Variants in CACNA1E observed in about 807,000 individuals in gnomAD.
CACNA1E encodes the protein voltage-dependent R-type calcium channel subunit alpha-1E.
CACNA1E carries 40 observed loss-of-function variants against 259.2 expected under a neutral mutation model. The ratio of observed to expected loss-of-function variants is 0.15; its 90% CI spans 0.12 to 0.20. The LOEUF (loss-of-function observed/expected upper bound fraction) is 0.20, where lower values mean the gene tolerates loss of function less well. CACNA1E is among the 10% of genes least tolerant of loss of function. The pLI is 1.00. For synonymous variants in CACNA1E, 1,104 were observed against 1,138.5 expected (o/e 0.97, Z 0.61); for missense variants, 1,874 against 3,040.1 (o/e 0.62, Z 9.02).
At chr1:181,688,836 G>T (rs898971843) in intron 7 of CACNA1E, among the ~76,000 whole-genome samples, 15 of 152,234 alleles carry the variant, frequency 9.9e-5, no homozygotes, top group Admixed American at 8.5e-4. Context: ...AGCAGGTGCT[G>T]CTGGTCTACT....
intron 34 of CACNA1E, among the ~76,000 whole-genome samples, chr1:181,765,334 A>T (rs1360377303): frequency 1.3e-5 from 2 of 152,128 alleles, no homozygotes. Context: ...TAGAGTGGAG[A>T]CAGTAGAATA....
chr1:181,758,895 T>G lies in CACNA1E; in HGVS notation c.4605+27T>G. 1 of 1,245,086 alleles carries G rather than the reference T, an allele frequency of 8.0e-7. No individual in the cohort carries two copies. The highest frequency in any genetic ancestry group is 1.2e-6 in the Non-Finnish European group (1 of 848,982). The allele number at this position is 1,245,086 out of a possible 1,614,324, so 77.1% of individuals were successfully genotyped here. A position where few individuals can be genotyped will look rare whatever the true frequency, so the allele number is the denominator to read the frequency against. On this transcript the variant is annotated intron_variant, in intron 32 of 47. Coordinates refer to ENST00000367573, the MANE Select transcript of CACNA1E (RefSeq NM_001205293.3). The surrounding 1 kb of genome is among the most constrained non-coding windows in gnomAD (Gnocchi z 4.2). Reference sequence around the variant, plus strand: ...TATGTTGCTGAATCCTTCCCAGCACTGGGCTTGTCTCTTTCTGTTGGGTGC... The same window carrying G: ...TATGTTGCTGAATCCTTCCCAGCACGGGGCTTGTCTCTTTCTGTTGGGTGC...
chr1:181,533,850 T>C (rs1213301568), intron 3 of CACNA1E, among the ~76,000 whole-genome samples: 1 of 152,122 alleles, frequency 6.6e-6, no homozygotes, highest in Non-Finnish European at 1.5e-5. Flanking sequence ...AATTTTTTTA[T>C]TTCTAATAGA....
chr1:181,526,834 C>T (rs980048867), intron 3 of CACNA1E, among the ~76,000 whole-genome samples: 2 of 152,164 alleles, frequency 1.3e-5, no homozygotes, highest in Non-Finnish European at 2.9e-5. Flanking sequence ...TTTTATGAGA[C>T]TAAACTGGTA....
chr1:181,783,901 G>A (rs1265471377), intron 40 of CACNA1E, 117 bp downstream of exon 40: 9 of 637,754 alleles, frequency 1.4e-5, no homozygotes. Flanking sequence ...CAATAATGCA[G>A]TCATCTGAAC....
At chr1:181,546,261 G>A (rs1179603233) in intron 3 of CACNA1E, among the ~76,000 whole-genome samples, 1 of 152,138 alleles carries the variant, frequency 6.6e-6, no homozygotes, top group Admixed American at 6.5e-5. Context: ...AAAGTTAGGA[G>A]CCCTGGGCTC....
chr1:181,758,733 C>G lies in CACNA1E; in HGVS notation c.4495-25C>G, dbSNP rs764570443. The G allele has an allele frequency of 6.1e-6, 8 of 1,315,528 alleles. No homozygotes were observed. The highest frequency in any genetic ancestry group is 7.7e-6 in the Non-Finnish European group (7 of 914,232). The allele number at this position is 1,315,528 out of a possible 1,614,324, so 81.5% of individuals were successfully genotyped here. ...TCTTACCTTAAGGCTGTGATTCTTT[C>G]TCTCTTCTTTTTTCTTCCTGGCAGT... On this transcript the variant is annotated intron_variant, in intron 31 of 47. Coordinates refer to ENST00000367573, the MANE Select transcript of CACNA1E (RefSeq NM_001205293.3). The surrounding 1 kb of genome is among the most constrained non-coding windows in gnomAD (Gnocchi z 4.2).
intron 1 of CACNA1E, among the ~76,000 whole-genome samples, chr1:181,334,575 A>G (rs1260357560): frequency 6.6e-6 from 1 of 152,206 alleles, no homozygotes; most frequent in Non-Finnish European, 1.5e-5. Context: ...AGCTCTGGCC[A>G]AAAAATCTCA....
At position 181,800,882 on chromosome 1, in the gene CACNA1E, C is replaced by T. The variant is rs568273414; in HGVS notation, c.*2048C>T. 1.3e-5 allele frequency: 2 copies of T among 152,812 alleles called. No homozygotes were observed. Among genetic ancestry groups the T allele is most frequent in the East Asian group, 1.9e-4 (1 of 5,188 alleles). The allele number at this position is 152,812 out of a possible 1,614,324, so 9.5% of individuals were successfully genotyped here. ...AGCCCCCAAACCAAAGTTGTCCCAA[C>T]AGAGGAGGCCAGTGAGGCAGAGACA... On this transcript the variant is annotated 3_prime_UTR_variant, in exon 48 of 48. Transcript: ENST00000367573.
intron 7 of CACNA1E, among the ~76,000 whole-genome samples, chr1:181,677,099 G>A (rs150359084): frequency 6.6e-6 from 1 of 152,016 alleles, no homozygotes; most frequent in East Asian, 1.9e-4. Context: ...TGTAGCTTCT[G>A]GGACAGTGCC....
chr1:181,573,522 G>A (rs1257179564), intron 3 of CACNA1E, among the ~76,000 whole-genome samples: 1 of 152,136 alleles, frequency 6.6e-6, no homozygotes, highest in Non-Finnish European at 1.5e-5. Context: ...CTCTCTTACT[G>A]AGAACTGGGA....
At chr1:181,495,525 T>C (rs1254959427) in intron 1 of CACNA1E, among the ~76,000 whole-genome samples, 2 of 152,242 alleles carry the variant, frequency 1.3e-5, no homozygotes, top group Non-Finnish European at 2.9e-5. Context: ...TGGTTATTAG[T>C]ATATGGTTAA....
Position 181,485,218 on chromosome 1 carries a change from C to T in CACNA1E, c.266+1208C>T, listed in dbSNP as rs1571985592. ...CCCCTATTCTCCCTCTTTCCCACCC[C>T]CACCGTCCAGGTGTGCAGCAGTGAG... On this transcript the variant is annotated intron_variant, in intron 1 of 47. Transcript: ENST00000367573. The surrounding 1 kb of genome is among the most constrained non-coding windows in gnomAD (Gnocchi z 4.2). Among the ~76,000 whole-genome samples, 3 of 152,300 alleles carry T rather than the reference C, an allele frequency of 2.0e-5. No individual in the cohort carries two copies. The highest frequency in any genetic ancestry group is 2.0e-4 in the Admixed American group (3 of 15,304).
chr1:181,487,086 G>T (rs567653865), intron 1 of CACNA1E, among the ~76,000 whole-genome samples: 2 of 151,334 alleles, frequency 1.3e-5, no homozygotes, highest in African/African-American at 4.9e-5. Flanking sequence ...GTCAAGACCT[G>T]CTTTCATATT....
At chr1:181,770,506 C>G (rs1389210594) in intron 35 of CACNA1E, among the ~76,000 whole-genome samples, 1 of 152,198 alleles carries the variant, frequency 6.6e-6, no homozygotes, top group African/African-American at 2.4e-5. Context: ...AAATCTCATT[C>G]TGTCACCCAG....
At chr1:181,636,676 T>C (rs1657244508) in intron 6 of CACNA1E, among the ~76,000 whole-genome samples, 1 of 152,142 alleles carries the variant, frequency 6.6e-6, no homozygotes, top group African/African-American at 2.4e-5. Context: ...AAGGCCCTGA[T>C]GGATGGCCAG....
Position 181,755,234 on chromosome 1 carries a change from C to T in CACNA1E, c.3829-3C>T. 1 of 1,613,124 alleles carries T rather than the reference C, an allele frequency of 6.2e-7. No individual in the cohort carries two copies. The highest frequency in any genetic ancestry group is 8.5e-7 in the Non-Finnish European group (1 of 1,179,390). Reference sequence around the variant, plus strand: ...ACAGCAGGGCTGTTTGCTCTGTCCACAGGCCGTCTTCGACTGCGTAGTGAC... The same window carrying T: ...ACAGCAGGGCTGTTTGCTCTGTCCATAGGCCGTCTTCGACTGCGTAGTGAC... On this transcript the variant is annotated splice_polypyrimidine_tract_variant and splice_region_variant and intron_variant, in intron 27 of 47. Coordinates refer to ENST00000367573, the MANE Select transcript of CACNA1E (RefSeq NM_001205293.3).
chr1:181,572,292 T>G (rs547864853), intron 3 of CACNA1E, among the ~76,000 whole-genome samples: 1 of 152,348 alleles, frequency 6.6e-6, no homozygotes, highest in Non-Finnish European at 1.5e-5. Flanking sequence ...GAGCATTGCC[T>G]CTGTCTTCTG....
chr1:181,443,315 G>C (rs1441339618), intron 2 of CACNA1E, among the ~76,000 whole-genome samples: 2 of 152,230 alleles, frequency 1.3e-5, no homozygotes, highest in Non-Finnish European at 2.9e-5. Context: ...CCATTCTGCT[G>C]TCTGCCTCCA....
Sources: gnomAD v4.1 joint callset for allele counts (sites outside exome capture counted in the v4.1 genomes callset) on GRCh38, gnomAD v4.1.1 for gene constraint, Gnocchi (gnomAD v3.1) non-coding constraint, MANE v1.5 for transcripts, NCBI Gene and HGNC (gene_info 2026-07-23, HGNC 2026-07-21) for gene names.